PROS1: variants seen among roughly 807,000 people sequenced by gnomAD.
PROS1 encodes vitamin K-dependent protein S.
In PROS1, 29 loss-of-function variants were observed where a neutral mutation model predicts 75.9. The observed-to-expected ratio is 0.38, with a 90% CI of 0.28 to 0.52. PROS1 has a LOEUF of 0.52. Among genes scored for constraint, PROS1 ranks in the 20% least tolerant of loss-of-function variants. The pLI, the probability that PROS1 is intolerant of heterozygous loss-of-function variation, is 0.83. For synonymous variants in PROS1, 245 were observed against 280.6 expected, an observed-to-expected ratio of 0.87 and a Z score of 1.27; for missense variants, 680 against 810.3, an observed-to-expected ratio of 0.84 and a Z score of 1.95.
chr3:93,944,469 T>G (rs1036474701), intron 1 of PROS1, among the ~76,000 whole-genome samples: 5 of 152,168 alleles, frequency 3.3e-5, no homozygotes, highest in African/African-American at 1.2e-4. Context: ...CAGACCACAA[T>G]GCAATCAAAC....
intron 1 of PROS1, among the ~76,000 whole-genome samples, chr3:93,951,133 A>G (rs1325529929): frequency 6.6e-6 from 1 of 152,198 alleles, no homozygotes; most frequent in African/African-American, 2.4e-5. Context: ...TGTACCTGAA[A>G]GTGAAGGGGA....
rs536986216 is a variant in PROS1, at chr3:93,896,358, G to C, written c.965+218C>G. Among the ~76,000 whole-genome samples, 488 of 152,234 alleles carry C rather than the reference G, an allele frequency of 3.2e-3. 1 individual carries two copies. Among genetic ancestry groups the C allele is most frequent in the Non-Finnish European group, 5.5e-3 (377 of 68,004 alleles). ...GGAATAATGTAAAATGTTCATTGGGGAAAGTCAGCCTAGAATGACTCAAAA... is the reference window on the plus strand; with the variant it reads ...GGAATAATGTAAAATGTTCATTGGGCAAAGTCAGCCTAGAATGACTCAAAA... On this transcript the variant is annotated intron_variant, in intron 9 of 14. Coordinates refer to ENST00000394236, the MANE Select transcript of PROS1 (RefSeq NM_000313.4).
chr3:93,928,599 G>A (rs2107205793), intron 1 of PROS1: 1 of 327,824 alleles, frequency 3.1e-6, no homozygotes, highest in Non-Finnish European at 5.7e-6. Flanking sequence ...CAATTTTAAT[G>A]AAAAACCTTT....
intron 1 of PROS1, among the ~76,000 whole-genome samples, chr3:93,928,128 C>A (rs1709055382): frequency 6.9e-6 from 1 of 144,504 alleles, no homozygotes; most frequent in Non-Finnish European, 1.5e-5. Flanking sequence ...GATTCTCCTG[C>A]ATCAGCCTCC....
At chr3:93,875,635 TATC>T (rs1158613522) in intron 14 of PROS1, among the ~76,000 whole-genome samples, 1 of 112,594 alleles carries the variant, frequency 8.9e-6, no homozygotes, top group African/African-American at 4.7e-5. Context: ...TCTATCTATC[TATC>T]TATCTATCTA....
At chr3:93,956,541 C>A (rs890759050) in intron 1 of PROS1, among the ~76,000 whole-genome samples, 1 of 66,276 alleles carries the variant, frequency 1.5e-5, no homozygotes, top group Non-Finnish European at 3.7e-5. Flanking sequence ...TCTACACACA[C>A]ACACACACAC....
chr3:93,937,329 G>C (rs1709199313), intron 1 of PROS1, among the ~76,000 whole-genome samples: 1 of 151,870 alleles, frequency 6.6e-6, no homozygotes, highest in South Asian at 2.1e-4. Flanking sequence ...CACAATGCCG[G>C]GAATCTATGG....
At chr3:93,915,072 C>G (rs1391922279) in intron 3 of PROS1, among the ~76,000 whole-genome samples, 1 of 152,184 alleles carries the variant, frequency 6.6e-6, no homozygotes, top group Non-Finnish European at 1.5e-5. Flanking sequence ...TATGACCAGG[C>G]TGCGAATTTC....
At chr3:93,945,345 C>T (rs1378623367) in intron 1 of PROS1, among the ~76,000 whole-genome samples, 12 of 152,050 alleles carry the variant, frequency 7.9e-5, no homozygotes, top group Non-Finnish European at 1.3e-4. Flanking sequence ...CTGGCAGAGA[C>T]ACAACAACAA....
At chr3:93,940,460 TGAC>T (rs1709267473) in intron 1 of PROS1, among the ~76,000 whole-genome samples, 1 of 152,166 alleles carries the variant, frequency 6.6e-6, no homozygotes, top group African/African-American at 2.4e-5. Flanking sequence ...TTGTGGGTAC[TGAC>T]GTCTGGGCTT....
At chr3:93,900,395 A>C (rs1197494512) in intron 7 of PROS1, among the ~76,000 whole-genome samples, 4 of 152,242 alleles carry the variant, frequency 2.6e-5, no homozygotes, top group Non-Finnish European at 5.9e-5. Context: ...GCTTGGAATA[A>C]AAACTAAAGT....
At chr3:93,949,806 G>A (rs1208513914) in intron 1 of PROS1, among the ~76,000 whole-genome samples, 1 of 152,188 alleles carries the variant, frequency 6.6e-6, no homozygotes, top group Non-Finnish European at 1.5e-5. Flanking sequence ...ATTTCCAACT[G>A]AGGTACCGGG....
At chr3:93,876,787 T>A (rs750701666) in intron 14 of PROS1, among the ~76,000 whole-genome samples, 179 bp downstream of exon 14, 1 of 151,870 alleles carries the variant, frequency 6.6e-6, no homozygotes, top group Non-Finnish European at 1.5e-5. Context: ...ATTTTTAAAC[T>A]AAACAAAACA....
chr3:93,880,243 G>C (rs1262869470), intron 12 of PROS1, among the ~76,000 whole-genome samples: 1 of 152,040 alleles, frequency 6.6e-6, no homozygotes. Context: ...GACCGGGTAC[G>C]GTGGCACATG....
At chr3:93,927,142 C>T in intron 2 of PROS1, 108 bp downstream of exon 2, 1 of 1,421,988 alleles carries the variant, frequency 7.0e-7, no homozygotes, top group Non-Finnish European at 9.9e-7. Flanking sequence ...AGGTGATACA[C>T]AGAATTATTG....
In PROS1 at chr3:93,929,513, A is replaced by G. The variant is rs145585702; in HGVS notation, c.77-2106T>C. 5.9e-4 allele frequency among the ~76,000 whole-genome samples: 90 copies of G among 152,328 alleles called. 2 individuals carry two copies. The highest frequency in any genetic ancestry group is 4.2e-3 in the Admixed American group (65 of 15,298). On this transcript the variant is annotated intron_variant, in intron 1 of 14. Coordinates refer to ENST00000394236, the MANE Select transcript of PROS1 (RefSeq NM_000313.4). ...AAAGAGGGGAATGGAAATAAAAGCT[A>G]TAATAAACCCGTACTGTGGAATAAT...
At chr3:93,905,945 A>G (rs1708668800) in intron 5 of PROS1, 30 bp from the exon 6 acceptor site, 8 of 1,612,070 alleles carry the variant, frequency 5.0e-6, no homozygotes, top group African/African-American at 2.7e-5. Context: ...AATTATTTTT[A>G]AAGTAATATA....
rs1482667784 is a variant in PROS1, at chr3:93,905,844, T to C, written c.541A>G (p.Ser181Gly). 1 of 1,612,792 alleles carries C rather than the reference T, an allele frequency of 6.2e-7. No homozygotes were observed. Among genetic ancestry groups the C allele is most frequent in the Non-Finnish European group, 8.5e-7 (1 of 1,178,784 alleles). Residue 181 changes from serine to glycine, a missense_variant, in exon 6 of 15, where the codon AGT becomes GGT. By Grantham distance (56) the Ser-to-Gly change is moderately conservative (BLOSUM62 0). Transcript: ENST00000394236. ...CSQICDNTPGSYHCSCKNGFV... is the reference protein window; with the variant it reads ...CSQICDNTPGGYHCSCKNGFV... ...CCATTTTTACAGGAACAGTGGTAAC[T>C]TCCAGGTGTATTATCACAAATTTGA...
chr3:93,931,368 A>C (rs544517061), intron 1 of PROS1, among the ~76,000 whole-genome samples: 1 of 152,344 alleles, frequency 6.6e-6, no homozygotes, highest in South Asian at 2.1e-4. Flanking sequence ...GTGAAACTAA[A>C]TTATAGAGAC....
Sources: gnomAD v4.1 joint callset for allele counts (sites outside exome capture counted in the v4.1 genomes callset) on GRCh38, gnomAD v4.1.1 for gene constraint, MANE v1.5 for transcripts, NCBI Gene and HGNC (gene_info 2026-07-23, HGNC 2026-07-21) for gene names.